SIGIRR: variants seen among roughly 807,000 people sequenced by gnomAD.
SIGIRR encodes single Ig and TIR domain containing.
SIGIRR carries 41 observed loss-of-function variants against 45.6 expected under a neutral mutation model. The ratio of observed to expected loss-of-function variants is 0.90; its 90% CI spans 0.70 to 1.17. The LOEUF is 1.17. Among genes scored for constraint, SIGIRR ranks in the 50% most tolerant of loss-of-function variants. SIGIRR has a pLI of 0.00. For synonymous variants in SIGIRR, 298 were observed against 239.0 expected, an observed-to-expected ratio of 1.25 and a Z score of -2.28; for missense variants, 599 against 539.6, an observed-to-expected ratio of 1.11 and a Z score of -1.09.
rs977179280 is a variant in SIGIRR, at chr11:406,766, G to A, written c.879+77C>T. On this transcript the variant is annotated intron_variant, in intron 8 of 9. Coordinates refer to ENST00000431843, the MANE Select transcript of SIGIRR (RefSeq NM_001135054.2). ...GGTGCCGCAGAGCTCCCCACGGAGG[G>A]GTCCCAGCCTGGAGCCCGGGCACCG... 81 of 1,442,312 alleles carry A rather than the reference G, an allele frequency of 5.6e-5. No homozygotes were observed. The African/African-American group carries it at 9.7e-4, about 17-fold the overall frequency. The allele number at this position is 1,442,312 out of a possible 1,614,324, so 89.3% of individuals were successfully genotyped here.
chr11:406,955 G>T lies in SIGIRR; in HGVS notation c.767C>A (p.Pro256His). ...LCRLLELTRRPIFITFEGQRR... is the reference protein window; with the variant it reads ...LCRLLELTRRHIFITFEGQRR... The stretch of plus-strand genomic sequence containing the variant: ...CTGGCCCTCGAAGGTGATGAAGATG[G>T]GTCTGCGGGTGAGCTCCAGCAGCCG... Residue 256 changes from proline (P) to histidine (H), a missense_variant, in exon 8 of 10, where the codon CCC becomes CAC. Physicochemically the swap from Pro to His is moderately conservative, Grantham distance 77 (BLOSUM62 -2). Coordinates refer to ENST00000431843, the MANE Select transcript of SIGIRR (RefSeq NM_001135054.2). 1 of 1,601,976 alleles carries T rather than the reference G, an allele frequency of 6.2e-7. No homozygotes were observed. Among genetic ancestry groups the T allele is most frequent in the South Asian group, 1.1e-5 (1 of 90,398 alleles).
intron 6 of SIGIRR, 59 bp downstream of exon 6, chr11:407,366 T>TGGGATGGGATGGGGC: frequency 4.1e-6 from 5 of 1,221,346 alleles, no homozygotes; most frequent in Non-Finnish European, 5.3e-6. Context: ...GGACGGAGCA[T>TGGGATGGGATGGGGC]GGGGCGGGGC....
upstream of SIGIRR, chr11:417,354 GC>G (rs1289263844): frequency 1.3e-5 from 2 of 152,242 alleles, no homozygotes; most frequent in African/African-American, 4.8e-5. This position sits in a 1 kb window ranked among gnomAD's most constrained non-coding sequence, Gnocchi z 4.2. Context: ...CTCGCGCCGG[GC>G]GGGGGCGGGG....
chr11:405,919 G>C lies in SIGIRR; in HGVS notation c.1210C>G (p.Leu404Val). The part of the protein sequence containing the change: ...NYSARTDFYC[L>V]VSKDDM The stretch of plus-strand genomic sequence containing the variant: ...AGCTACATATCATCCTTGGACACCA[G>C]GCAGTAGAAGTCTGTGCGGGCACTG... Residue 404 changes from leucine to valine, a missense_variant, in exon 10 of 10, where the codon CTG becomes GTG. Transcript: ENST00000431843. The C allele has an allele frequency of 6.2e-7, 1 of 1,605,366 alleles. No homozygotes were observed. Among genetic ancestry groups the C allele is most frequent in the Non-Finnish European group, 8.5e-7 (1 of 1,174,316 alleles).
In SIGIRR at chr11:407,111, C is replaced by CAGT; in HGVS notation, c.678_679insACT (p.Val226_Val227insThr). 3.3e-6 allele frequency: 5 copies of CAGT among 1,538,458 alleles called. No individual in the cohort carries two copies. The Admixed American group carries it at 5.7e-5, about 18-fold the overall frequency. ...CGGCTCAGGAAGGCGTCCGAAAGCACCACGATGAGGCGTCGGCAGCGGCTC... is the reference window on the plus strand; with the variant it reads ...CGGCTCAGGAAGGCGTCCGAAAGCACAGTCACGATGAGGCGTCGGCAGCGGCTC... On this transcript the variant is annotated inframe_insertion, in exon 7 of 10. Transcript: ENST00000431843.
intron 5 of SIGIRR, 61 bp from the exon 6 acceptor site, chr11:407,629 C>A: frequency 1.3e-6 from 2 of 1,582,534 alleles, no homozygotes. Flanking sequence ...CCTCGGGGTC[C>A]CCAACACCCC....
Position 406,441 on chromosome 11 carries a change from T to C in SIGIRR, c.977A>G (p.Asp326Gly), listed in dbSNP as rs529333220. The C allele has an allele frequency of 4.3e-5, 69 of 1,612,752 alleles. 1 individual carries two copies. In the African/African-American group the frequency reaches 8.5e-4, roughly 20 times the overall value. The change falls in exon 9 of 10, where the codon GAC becomes GGC. Residue 326 changes from aspartate (D) to glycine (G), a missense_variant. Coordinates refer to ENST00000431843, the MANE Select transcript of SIGIRR (RefSeq NM_001135054.2). ...AAGAATCAGCATGGGGTCCTTGTCG[T>C]CCTGCAGCTGCGTCTGGGGGTCTCC... is the stretch of plus-strand genomic sequence containing the variant. The part of the protein sequence containing the change: ...VEGDPQTQLQ[D>G]DKDPMLILRG...
intron 1 of SIGIRR, 54 bp downstream of exon 1, chr11:414,769 C>T: frequency 1.0e-6 from 1 of 980,234 alleles, no homozygotes. Context: ...CGTGGGCCTC[C>T]TCTCAGCCAG....
At chr11:413,078 C>T (rs995677501) in intron 1 of SIGIRR, among the ~76,000 whole-genome samples, 1 of 152,168 alleles carries the variant, frequency 6.6e-6, no homozygotes, top group South Asian at 2.1e-4. Context: ...TGACTGTCTA[C>T]TCCCCTCCCT....
intron 1 of SIGIRR, among the ~76,000 whole-genome samples, chr11:410,387 C>T (rs1411872999): frequency 6.6e-6 from 1 of 152,178 alleles, no homozygotes; most frequent in Non-Finnish European, 1.5e-5. Context: ...GCTGCCACTG[C>T]AGGGGGTGCT....
chr11:407,376 C>T (rs1470334486), intron 6 of SIGIRR, 49 bp downstream of exon 6: 7 of 1,153,052 alleles, frequency 6.1e-6, no homozygotes, highest in Middle Eastern at 6.2e-4. Flanking sequence ...TGGGGCGGGG[C>T]GGGGCGGGCC....
chr11:407,465 G>C lies in SIGIRR; in HGVS notation c.585C>G (p.Tyr195Ter). The C allele has an allele frequency of 6.4e-7, 1 of 1,566,424 alleles. No homozygotes were observed. Among genetic ancestry groups the C allele is most frequent in the Non-Finnish European group, 8.6e-7 (1 of 1,156,486 alleles). Residue 195 changes from tyrosine (Y) to a stop codon, truncating the protein, a stop_gained, in exon 6 of 10, where the codon TAC becomes TAG. Transcript: ENST00000431843. LOFTEE classifies it high-confidence loss of function. ...LKPQLERRRG[Y>*]KLFLDDRDLL... ...GGTCGCGGTCGTCCAGGAAGAGCTT[G>C]TAGCCCCGACGCCGCTCCAGCTGCG...
upstream of SIGIRR, among the ~76,000 whole-genome samples, chr11:415,826 G>A (rs1208122738): frequency 1.3e-5 from 2 of 152,222 alleles, no homozygotes; most frequent in Non-Finnish European, 2.9e-5. The surrounding 1 kb of genome is among the most constrained non-coding windows in gnomAD (Gnocchi z 6.6). Context: ...GGGACCCAGT[G>A]ACCGGTGGCT....
chr11:406,461 G>A lies in SIGIRR; in HGVS notation c.957C>T (p.Asp319=), dbSNP rs1024599746. ...RKVQYRPVEG[D]PQTQLQDDKD... Reference sequence around the variant, plus strand: ...TGTCGTCCTGCAGCTGCGTCTGGGGGTCTCCTTCCACAGGCCTGTACTGCA... The same window carrying A: ...TGTCGTCCTGCAGCTGCGTCTGGGGATCTCCTTCCACAGGCCTGTACTGCA... The change falls in exon 9 of 10, where the codon GAC becomes GAT. Residue 319 remains aspartate, a synonymous_variant. Coordinates refer to ENST00000431843, the MANE Select transcript of SIGIRR (RefSeq NM_001135054.2). 2 of 1,612,638 alleles carry A rather than the reference G, an allele frequency of 1.2e-6. No homozygotes were observed. The highest frequency in any genetic ancestry group is 1.7e-6 in the Non-Finnish European group (2 of 1,179,842).
chr11:407,926 G>A lies in SIGIRR; in HGVS notation c.372C>T (p.Ala124=), dbSNP rs766757809. The change falls in exon 5 of 10, where the codon GCC becomes GCT. Residue 124 remains alanine, a synonymous_variant. Transcript: ENST00000431843. ...GCAGGGCCAGCAGGACCAGGAGGGA[G>A]GCCAGCACCGCAGCCACGTGGCTTG... ...GPTSHVAAVL[A]SLLVLLALLL... is the part of the protein sequence containing the mutation. The A allele has an allele frequency of 6.2e-7, 1 of 1,611,440 alleles. No individual in the cohort carries two copies. The highest frequency in any genetic ancestry group is 2.2e-5 in the East Asian group (1 of 44,866).
chr11:408,795 C>T lies in SIGIRR; in HGVS notation c.106G>A (p.Val36Ile), dbSNP rs1342802737. Residue 36 changes from valine (V) to isoleucine (I), a missense_variant, in exon 3 of 10, where the codon GTA (valine) becomes ATA (isoleucine). Transcript: ENST00000431843. ...AGGGAGCAGTGGGGCCCAGAGACTA[C>T]CCAAGCCGTGCAGTTCAGAGCCACT... ...SSVALNCTAW[V>I]VSGPHCSLPS... 1 of 1,612,794 alleles carries T rather than the reference C, an allele frequency of 6.2e-7. No homozygotes were observed. Among genetic ancestry groups the T allele is most frequent in the Non-Finnish European group, 8.5e-7 (1 of 1,179,996 alleles).
At chr11:410,098 A>T (rs968774898) in intron 1 of SIGIRR, 71 bp from the exon 2 acceptor site, 2 of 1,215,900 alleles carry the variant, frequency 1.6e-6, no homozygotes, top group Non-Finnish European at 2.1e-6. Context: ...GGCCACAGAC[A>T]GCACTGGCCC....
chr11:416,464 T>TC (rs969459297), upstream of SIGIRR, among the ~76,000 whole-genome samples: 4 of 152,000 alleles, frequency 2.6e-5, no homozygotes, highest in Non-Finnish European at 4.4e-5. The surrounding 1 kb of genome is among the most constrained non-coding windows in gnomAD (Gnocchi z 9.1). Context: ...AGAATCTCAG[T>TC]CCAAGCCTGG....
chr11:407,282 CGGGT>C (rs1847372861), intron 6 of SIGIRR, 118 bp from the exon 7 acceptor site: 11 of 483,506 alleles, frequency 2.3e-5, no homozygotes, highest in African/African-American at 2.1e-4. Context: ...GCGGGGTGGG[CGGGT>C]TTTTGAGGCG....
Sources: gnomAD v4.1 joint callset for allele counts (sites outside exome capture counted in the v4.1 genomes callset) on GRCh38, gnomAD v4.1.1 for gene constraint, Gnocchi (gnomAD v3.1) non-coding constraint, MANE v1.5 for transcripts, NCBI Gene and HGNC (gene_info 2026-07-23, HGNC 2026-07-21) for gene names.